The following GABRB1 variants were observed in gnomAD, a reference collection of about 807,000 sequenced individuals.
GABRB1 encodes gamma-aminobutyric acid type A receptor subunit beta1.
A neutral mutation model predicts 51.6 loss-of-function variants in GABRB1; 17 were observed. The observed-to-expected ratio is 0.33, with a 90% CI of 0.23 to 0.49. The LOEUF (loss-of-function observed/expected upper bound fraction) is 0.49, where lower values mean the gene tolerates loss of function less well. Among genes scored for constraint, GABRB1 ranks in the 20% least tolerant of loss-of-function variants. The pLI, the probability that GABRB1 is intolerant of heterozygous loss-of-function variation, is 0.99. For missense variants in GABRB1, 410 were observed against 600.6 expected (o/e 0.68, Z 3.32); for synonymous variants, 247 against 218.9 (o/e 1.13, Z -1.14).
At chr4:47,324,479 G>A (rs1725182536) in intron 5 of GABRB1, among the ~76,000 whole-genome samples, 1 of 152,064 alleles carries the variant, frequency 6.6e-6, no homozygotes, top group Non-Finnish European at 1.5e-5. Flanking sequence ...TTTCCCTGAA[G>A]GTTTTTTCCT....
At chr4:47,040,063 C>T (rs780112405) in intron 3 of GABRB1, among the ~76,000 whole-genome samples, 2 of 151,968 alleles carry the variant, frequency 1.3e-5, no homozygotes, top group African/African-American at 2.4e-5. Context: ...TTTTATATAC[C>T]CCTTTGAACT....
chr4:47,326,368 G>A (rs1402956063), intron 5 of GABRB1, among the ~76,000 whole-genome samples: 2 of 152,082 alleles, frequency 1.3e-5, no homozygotes, highest in African/African-American at 4.8e-5. Flanking sequence ...AAGAAGAAGG[G>A]TGAGGACAGT....
At chr4:47,081,512 T>C (rs772959441) in intron 3 of GABRB1, among the ~76,000 whole-genome samples, 1 of 152,198 alleles carries the variant, frequency 6.6e-6, no homozygotes, top group Non-Finnish European at 1.5e-5. Flanking sequence ...TTGTGCAATA[T>C]ATCCTTTCTC....
intron 3 of GABRB1, among the ~76,000 whole-genome samples, chr4:47,143,676 A>T (rs1438638538): frequency 6.6e-6 from 1 of 151,912 alleles, no homozygotes; most frequent in African/African-American, 2.4e-5. Context: ...GTATTTGCAT[A>T]TTCAAAAATA....
chr4:47,273,414 A>G (rs1722949865), intron 4 of GABRB1, among the ~76,000 whole-genome samples: 1 of 152,180 alleles, frequency 6.6e-6, no homozygotes, highest in Non-Finnish European at 1.5e-5. Flanking sequence ...TGTGTGCAAC[A>G]CATAAGGAAA....
chr4:47,050,528 C>G (rs962971874), intron 3 of GABRB1, among the ~76,000 whole-genome samples: 1 of 151,848 alleles, frequency 6.6e-6, no homozygotes, highest in African/African-American at 2.4e-5. Flanking sequence ...GAAGTAAATG[C>G]CAATGCAAAG....
chr4:47,276,703 C>A (rs542507463), intron 4 of GABRB1, among the ~76,000 whole-genome samples: 2 of 152,084 alleles, frequency 1.3e-5, no homozygotes, highest in Non-Finnish European at 2.9e-5. Context: ...AATCTTATTA[C>A]GCTAATGCAG....
At chr4:47,354,720 G>A (rs1055092051) in intron 5 of GABRB1, among the ~76,000 whole-genome samples, 1 of 151,924 alleles carries the variant, frequency 6.6e-6, no homozygotes, top group Non-Finnish European at 1.5e-5. Flanking sequence ...TTAAGGTTTT[G>A]TATATCTGGC....
At chr4:47,160,552 C>T (rs938066646) in intron 3 of GABRB1, among the ~76,000 whole-genome samples, 1 of 152,084 alleles carries the variant, frequency 6.6e-6, no homozygotes, top group East Asian at 1.9e-4. Context: ...ATTTATCAGG[C>T]ATTCCTCTCC....
chr4:47,029,398 G>T (rs1203099704), upstream of GABRB1, among the ~76,000 whole-genome samples: 2 of 151,696 alleles, frequency 1.3e-5, no homozygotes. Context: ...TCCTTATTTA[G>T]AGTGGCTTTT....
intron 3 of GABRB1, among the ~76,000 whole-genome samples, chr4:47,096,726 G>A (rs1001500002): frequency 6.6e-6 from 1 of 152,182 alleles, no homozygotes; most frequent in African/African-American, 2.4e-5. Context: ...CAGGGAATAT[G>A]TGACAATGGA....
intron 3 of GABRB1, among the ~76,000 whole-genome samples, chr4:47,109,871 G>A (rs1173385135): frequency 1.3e-5 from 2 of 151,982 alleles, no homozygotes; most frequent in African/African-American, 4.8e-5. Context: ...ACACTAGCTG[G>A]TCCCCAGAGC....
chr4:47,070,390 G>A (rs573751140), intron 3 of GABRB1, among the ~76,000 whole-genome samples: 4 of 150,960 alleles, frequency 2.6e-5, no homozygotes, highest in African/African-American at 9.8e-5. Flanking sequence ...AGAGTGCAAT[G>A]GTGTGGTCTC....
At chr4:47,020,059 T>C (rs1724885622) in intron 1 of GABRB1, among the ~76,000 whole-genome samples, 1 of 152,028 alleles carries the variant, frequency 6.6e-6, no homozygotes, top group Admixed American at 6.6e-5. Context: ...GTGCTGGGAT[T>C]ACAGGCATGA....
At chr4:47,235,593 C>T (rs1455904958) in intron 4 of GABRB1, among the ~76,000 whole-genome samples, 1 of 150,858 alleles carries the variant, frequency 6.6e-6, no homozygotes, top group Non-Finnish European at 1.5e-5. Flanking sequence ...CATTTTATAT[C>T]TAGAAAAACT....
intron 5 of GABRB1, among the ~76,000 whole-genome samples, chr4:47,396,396 G>T (rs901260783): frequency 6.6e-6 from 1 of 152,106 alleles, no homozygotes; most frequent in Non-Finnish European, 1.5e-5. Context: ...GATGAGATTT[G>T]GGTGGGAACA....
intron 5 of GABRB1, among the ~76,000 whole-genome samples, chr4:47,334,639 T>C (rs1466654105): frequency 1.3e-5 from 2 of 152,218 alleles, no homozygotes; most frequent in Admixed American, 6.5e-5. Flanking sequence ...TTGATTTTAT[T>C]TGACTCTGTG....
chr4:47,024,084 A>G (rs545305362), intron 1 of GABRB1, among the ~76,000 whole-genome samples: 9 of 152,056 alleles, frequency 5.9e-5, no homozygotes, highest in Admixed American at 3.9e-4. Flanking sequence ...AAAATTTACA[A>G]TTACATTTCA....
At chr4:47,354,799 T>C (rs1726487892) in intron 5 of GABRB1, among the ~76,000 whole-genome samples, 1 of 151,942 alleles carries the variant, frequency 6.6e-6, no homozygotes, top group Non-Finnish European at 1.5e-5. Flanking sequence ...GCCTAATTTC[T>C]AGATGTATAG....
Sources: allele counts gnomAD v4.1 joint callset (sites outside exome capture counted in the v4.1 genomes callset), GRCh38; gene constraint gnomAD v4.1.1; transcripts MANE v1.5; gene names NCBI Gene and HGNC (gene_info 2026-07-23, HGNC 2026-07-21).